Variants in CYFIP2 observed in about 807,000 individuals in gnomAD.
CYFIP2 encodes cytoplasmic FMR1 interacting protein 2, also known as cytoplasmic FMR1-interacting protein 2.
CYFIP2 carries 29 observed loss-of-function variants against 158.7 expected under a neutral mutation model. The observed-to-expected ratio is 0.18, with a 90% CI of 0.14 to 0.25. CYFIP2 has a LOEUF of 0.25. Among genes scored for constraint, CYFIP2 ranks in the 10% least tolerant of loss-of-function variants. The pLI, the probability that CYFIP2 is intolerant of heterozygous loss-of-function variation, is 1.00. For missense variants in CYFIP2, 852 were observed against 1,639.5 expected (o/e 0.52, Z 8.29); for synonymous variants, 585 against 617.6 (o/e 0.95, Z 0.78).
At position 157,360,385 on chromosome 5, in the gene CYFIP2, A is replaced by G. The variant is rs544775956; in HGVS notation, c.2908+13A>G. ...TATGGCTCCCCAGGTTGGTGATAGC[A>G]AAACAATCCAGACCCCTCCCATGGT... On this transcript the variant is annotated intron_variant, in intron 25 of 30. Coordinates refer to ENST00000620254, the MANE Select transcript of CYFIP2 (RefSeq NM_001037333.3). 1 of 1,610,526 alleles carries G rather than the reference A, an allele frequency of 6.2e-7. No individual in the cohort carries two copies. The highest frequency in any genetic ancestry group is 1.3e-5 in the African/African-American group (1 of 74,966).
At chr5:157,282,966 AC>A (rs766528479) in intron 1 of CYFIP2, among the ~76,000 whole-genome samples, 4 of 152,260 alleles carry the variant, frequency 2.6e-5, no homozygotes, top group Non-Finnish European at 4.4e-5. Context: ...AGGGCCAAGA[AC>A]CATTAACACA....
chr5:157,298,249 T>A (rs1366969783), intron 5 of CYFIP2, among the ~76,000 whole-genome samples: 2 of 152,234 alleles, frequency 1.3e-5, no homozygotes, highest in Non-Finnish European at 2.9e-5. Flanking sequence ...ACATATACCA[T>A]ATAATTTGCC....
At chr5:157,363,747 T>C (rs1764069238) in intron 26 of CYFIP2, 1 of 152,340 alleles carries the variant, frequency 6.6e-6, no homozygotes. Flanking sequence ...AGGACAAGGC[T>C]CTTACAGTCT....
chr5:157,270,455 C>T (rs1755997902), intron 1 of CYFIP2, among the ~76,000 whole-genome samples: 1 of 152,200 alleles, frequency 6.6e-6, no homozygotes, highest in South Asian at 2.1e-4. Context: ...GAAGGCCTGG[C>T]TGAGATCAAA....
At chr5:157,302,761 T>A (rs1443534621) in intron 6 of CYFIP2, 33 bp from the exon 7 acceptor site, 3 of 1,538,478 alleles carry the variant, frequency 1.9e-6, no homozygotes, top group South Asian at 2.4e-5. Flanking sequence ...ACTTGGACAG[T>A]CCTCTCTGCA....
intron 11 of CYFIP2, among the ~76,000 whole-genome samples, chr5:157,313,171 C>T (rs1759878408): frequency 6.6e-6 from 1 of 152,232 alleles, no homozygotes; most frequent in South Asian, 2.1e-4. Context: ...TGAATCATTG[C>T]TCCAAGGAGA....
chr5:157,276,657 G>A (rs1756569973), intron 1 of CYFIP2, among the ~76,000 whole-genome samples: 1 of 152,128 alleles, frequency 6.6e-6, no homozygotes, highest in Non-Finnish European at 1.5e-5. Context: ...AGAGAGTGAG[G>A]CTCAGAAAGG....
intron 23 of CYFIP2, among the ~76,000 whole-genome samples, chr5:157,354,116 A>G (rs536595296): frequency 2.0e-5 from 3 of 152,284 alleles, no homozygotes; most frequent in Non-Finnish European, 2.9e-5. Context: ...TCTCTCCTTA[A>G]AAATGCTTTT....
chr5:157,309,856 TCTCGGCTCCCGCAAG>T (rs1759559191), intron 10 of CYFIP2, 22 bp downstream of exon 10: 1 of 1,568,386 alleles, frequency 6.4e-7, no homozygotes, highest in African/African-American at 1.4e-5. Flanking sequence ...CCGTAATGTC[TCTCGGCTCCCGCAAG>T]GATGCCCAGC....
At chr5:157,370,470 CAT>C (rs1400896462) in intron 26 of CYFIP2, among the ~76,000 whole-genome samples, 2 of 152,190 alleles carry the variant, frequency 1.3e-5, no homozygotes, top group South Asian at 2.1e-4. Flanking sequence ...ACAGCAAAGT[CAT>C]ATAATTCCAG....
intron 3 of CYFIP2, among the ~76,000 whole-genome samples, chr5:157,292,553 C>T (rs766960397): frequency 5.9e-5 from 9 of 152,110 alleles, no homozygotes; most frequent in East Asian, 1.9e-4. Context: ...CATGTGGTAG[C>T]GTGTATTGGT....
chr5:157,319,584 G>A (rs535936947), intron 13 of CYFIP2, among the ~76,000 whole-genome samples, 178 bp from the exon 14 acceptor site: 22 of 152,388 alleles, frequency 1.4e-4, no homozygotes, highest in South Asian at 2.1e-4. Flanking sequence ...GCCAAGTGCT[G>A]ATATACGTAC....
At chr5:157,288,623 G>A (rs1316218174) in intron 3 of CYFIP2, 1 of 456,116 alleles carries the variant, frequency 2.2e-6, no homozygotes, top group South Asian at 1.5e-5. Flanking sequence ...TATTTTAGAT[G>A]CATTGTCTCA....
chr5:157,298,947 G>A (rs1000091088), intron 5 of CYFIP2, among the ~76,000 whole-genome samples: 3 of 152,012 alleles, frequency 2.0e-5, no homozygotes, highest in East Asian at 3.9e-4. Context: ...TGGATATACC[G>A]TATTTTATTT....
At position 157,333,408 on chromosome 5, in the gene CYFIP2, A is replaced by G. The variant is rs139353471; in HGVS notation, c.2347A>G (p.Ile783Val). 8,429 of 1,613,928 alleles carry G rather than the reference A, an allele frequency of 5.2e-3. 42 individuals carry two copies. The highest frequency in any genetic ancestry group is 6.1e-3 in the Non-Finnish European group (7,193 of 1,179,852). Residue 783 changes from isoleucine (I) to valine (V), a missense_variant, in exon 21 of 31, where the codon ATC (isoleucine) becomes GTC (valine). By Grantham distance (29) the Ile-to-Val change is conservative (BLOSUM62 3). Transcript: ENST00000620254. Reference sequence around the variant, plus strand: ...CATGTATAAATCCTTGGACCAAGCTATCAGCCGCTTTGAGAGTGAGGACCT... The same window carrying G: ...CATGTATAAATCCTTGGACCAAGCTGTCAGCCGCTTTGAGAGTGAGGACCT... ...AAMYKSLDQAISRFESEDLTS... is the reference protein window; with the variant it reads ...AAMYKSLDQAVSRFESEDLTS...
Position 157,390,567 on chromosome 5 carries a change from G to A in CYFIP2, c.3493G>A (p.Val1165Ile). The part of the protein sequence containing the change: ...GLNWAGCSII[V>I]LLGQQRRFDL... ...GAACTGGGCTGGTTGCTCCATCATTGTCCTGCTGGGCCAGCAGCGTCGCTT... is the reference window on the plus strand; with the variant it reads ...GAACTGGGCTGGTTGCTCCATCATTATCCTGCTGGGCCAGCAGCGTCGCTT... The change falls in exon 30 of 31, where the codon GTC (valine) becomes ATC (isoleucine). Residue 1165 changes from valine to isoleucine, a missense_variant. Around this residue, in one of 8 missense-constraint regions of CYFIP2, gnomAD observed 223 missense variants for 381.6 expected, o/e 0.58. Transcript: ENST00000620254. The A allele has an allele frequency of 6.5e-7, 1 of 1,540,570 alleles. No individual in the cohort carries two copies. The highest frequency in any genetic ancestry group is 8.8e-7 in the Non-Finnish European group (1 of 1,140,164).
At chr5:157,362,378 G>A (rs1012046957) in intron 26 of CYFIP2, among the ~76,000 whole-genome samples, 1 of 152,214 alleles carries the variant, frequency 6.6e-6, no homozygotes, top group African/African-American at 2.4e-5. Flanking sequence ...TGGTTCATAT[G>A]TGAAGATGTT....
At position 157,336,635 on chromosome 5, in the gene CYFIP2, T is replaced by G. The variant is rs577352376; in HGVS notation, c.2386-2422T>G. Among the ~76,000 whole-genome samples, 7 of 152,338 alleles carry G rather than the reference T, an allele frequency of 4.6e-5. No individual in the cohort carries two copies. In the South Asian group the frequency reaches 1.5e-3, roughly 32 times the overall value. On this transcript the variant is annotated intron_variant, in intron 21 of 30. Coordinates refer to ENST00000620254, the MANE Select transcript of CYFIP2 (RefSeq NM_001037333.3). Reference sequence around the variant, plus strand: ...ATGTGGTTAACAATCAGGTCTTCTTTCGTTGATGAGCTCTTTCTCCCACTA... The same window carrying G: ...ATGTGGTTAACAATCAGGTCTTCTTGCGTTGATGAGCTCTTTCTCCCACTA...
At chr5:157,343,164 T>C in intron 23 of CYFIP2, 2 of 1,614,172 alleles carry the variant, frequency 1.2e-6, no homozygotes, top group Non-Finnish European at 1.7e-6. Flanking sequence ...AAGACGGCTG[T>C]GAAGCAGGCC....
Sources: allele counts gnomAD v4.1 joint callset (sites outside exome capture counted in the v4.1 genomes callset), GRCh38; gene constraint gnomAD v4.1.1; regional missense constraint gnomAD v4.1.1; transcripts MANE v1.5; gene names NCBI Gene and HGNC (gene_info 2026-07-23, HGNC 2026-07-21).